The following KHDRBS2 variants were observed in gnomAD, a reference collection of about 807,000 sequenced individuals.
The protein encoded by KHDRBS2 is KH domain-containing, RNA-binding, signal transduction-associated protein 2.
Under a neutral mutation model 44.3 loss-of-function variants are expected in KHDRBS2, and 26 were observed. The observed-to-expected ratio is 0.59, with a 90% CI of 0.43 to 0.81. The LOEUF (loss-of-function observed/expected upper bound fraction) is 0.81, where lower values mean the gene tolerates loss of function less well. KHDRBS2 is among the 40% of genes least tolerant of loss of function. The pLI, the probability that KHDRBS2 is intolerant of heterozygous loss-of-function variation, is 0.00. For missense variants in KHDRBS2, 476 were observed against 433.1 expected (o/e 1.10, Z -0.88); for synonymous variants, 194 against 151.1 (o/e 1.28, Z -2.08).
At chr6:61,954,632 ATACACATACATACTTATG>A (rs1451183663) in intron 4 of KHDRBS2, among the ~76,000 whole-genome samples, 1 of 127,518 alleles carries the variant, frequency 7.8e-6, no homozygotes, top group African/African-American at 3.1e-5. Context: ...ATATGTATAT[ATACACATACATACTTATG>A]TATACATACA....
At chr6:61,839,940 T>C (rs1414545719) in intron 6 of KHDRBS2, among the ~76,000 whole-genome samples, 1 of 152,134 alleles carries the variant, frequency 6.6e-6, no homozygotes, top group Non-Finnish European at 1.5e-5. Context: ...AGAATGAATA[T>C]TTATGTTAGA....
At chr6:62,106,770 A>T (rs1803465902) in intron 2 of KHDRBS2, among the ~76,000 whole-genome samples, 1 of 152,214 alleles carries the variant, frequency 6.6e-6, no homozygotes, top group South Asian at 2.1e-4. Flanking sequence ...CATCCCTGGG[A>T]TGCAAGGCTG....
At chr6:62,181,422 G>T (rs1022300609) in intron 1 of KHDRBS2, among the ~76,000 whole-genome samples, 1 of 151,830 alleles carries the variant, frequency 6.6e-6, no homozygotes. Flanking sequence ...ATATGCAAAT[G>T]GACAATGGCA....
chr6:61,846,487 T>A (rs76924807), intron 6 of KHDRBS2, among the ~76,000 whole-genome samples: 10,185 of 152,184 alleles, frequency 0.067, 406 homozygotes, highest in Middle Eastern at 0.13. Flanking sequence ...ATGTTGAGAA[T>A]AAGCTCAGAA....
chr6:61,862,247 CT>C (rs1797092582), intron 6 of KHDRBS2, among the ~76,000 whole-genome samples: 1 of 151,686 alleles, frequency 6.6e-6, no homozygotes, highest in Non-Finnish European at 1.5e-5. Context: ...TTCCTCTAAT[CT>C]TATTGTCATC....
intron 2 of KHDRBS2, among the ~76,000 whole-genome samples, chr6:62,136,452 T>A (rs1039570796): frequency 8.5e-5 from 13 of 152,354 alleles, no homozygotes; most frequent in African/African-American, 3.1e-4. Flanking sequence ...GCGTTATAGC[T>A]AAAGTTTCAG....
the KHDRBS2 span, among the ~76,000 whole-genome samples, chr6:61,620,976 T>G: frequency 1.3e-5 from 2 of 152,238 alleles, no homozygotes; most frequent in African/African-American, 2.4e-5. Flanking sequence ...CCCTAATATG[T>G]ATCTCCAATA....
At chr6:61,710,965 A>T (rs1770417979) in intron 7 of KHDRBS2, among the ~76,000 whole-genome samples, 1 of 148,986 alleles carries the variant, frequency 6.7e-6, no homozygotes, top group South Asian at 2.2e-4. Context: ...CTGGAGTTTC[A>T]TTTACAGTGT....
intron 7 of KHDRBS2, among the ~76,000 whole-genome samples, chr6:61,707,086 A>C (rs1769714049): frequency 6.6e-6 from 1 of 151,708 alleles, no homozygotes; most frequent in Non-Finnish European, 1.5e-5. Context: ...ACACTGAAAA[A>C]AGACCTGAAG....
At chr6:62,014,128 C>A (rs148375921) in intron 3 of KHDRBS2, among the ~76,000 whole-genome samples, 16 of 152,204 alleles carry the variant, frequency 1.1e-4, no homozygotes, top group African/African-American at 3.9e-4. Flanking sequence ...GGTGTATGTA[C>A]TAATTGCAAA....
At chr6:61,923,548 C>T (rs1808439794) in intron 4 of KHDRBS2, among the ~76,000 whole-genome samples, 1 of 151,952 alleles carries the variant, frequency 6.6e-6, no homozygotes, top group East Asian at 1.9e-4. Context: ...TGTAATTTAT[C>T]ATAATGACAA....
intron 1 of KHDRBS2, among the ~76,000 whole-genome samples, chr6:62,230,619 G>C (rs1832748421): frequency 6.6e-6 from 1 of 152,050 alleles, no homozygotes; most frequent in African/African-American, 2.4e-5. Context: ...GCACTTAGAA[G>C]CAAATTTCTA....
intron 1 of KHDRBS2, among the ~76,000 whole-genome samples, chr6:62,208,764 A>C (rs1828491350): frequency 1.3e-5 from 2 of 152,156 alleles, no homozygotes; most frequent in African/African-American, 4.8e-5. Flanking sequence ...TCATTTTTAT[A>C]ATAGCCATCC....
Position 62,204,171 on chromosome 6 carries a change from C to T in KHDRBS2, c.92-26859G>A, listed in dbSNP as rs1827545891. On this transcript the variant is annotated intron_variant, in intron 1 of 8. Coordinates refer to ENST00000281156, the MANE Select transcript of KHDRBS2 (RefSeq NM_152688.4). ...TCTCTTTTGTTTACAAATATCATGC[C>T]TCAGGCATTCCTTTGTAGCAACACA... is the stretch of plus-strand genomic sequence containing the variant. Among the ~76,000 whole-genome samples the T allele has an allele frequency of 1.3e-5, 2 of 152,148 alleles. 1 individual carries two copies. Among genetic ancestry groups the T allele is most frequent in the Admixed American group, 1.3e-4 (2 of 15,266 alleles).
chr6:61,861,045 C>T (rs938355149), intron 6 of KHDRBS2, among the ~76,000 whole-genome samples: 7 of 151,986 alleles, frequency 4.6e-5, no homozygotes, highest in Non-Finnish European at 4.4e-5. Context: ...AGGTCCTTTG[C>T]CTACTTTTTA....
chr6:61,954,254 T>G (rs1251905005), intron 4 of KHDRBS2, among the ~76,000 whole-genome samples: 1 of 151,880 alleles, frequency 6.6e-6, no homozygotes, highest in Non-Finnish European at 1.5e-5. Context: ...TGTGTGTCTC[T>G]GTGTGTATGC....
At chr6:61,844,520 A>G (rs1469615393) in intron 6 of KHDRBS2, among the ~76,000 whole-genome samples, 2 of 152,078 alleles carry the variant, frequency 1.3e-5, no homozygotes, top group African/African-American at 2.4e-5. Context: ...GCCTGGAATG[A>G]CCTCACTTCT....
In KHDRBS2 at chr6:61,712,167, G is replaced by A. The variant is rs539910455; in HGVS notation, c.894-14914C>T. Among the ~76,000 whole-genome samples the A allele has an allele frequency of 1.4e-3, 207 of 151,882 alleles. 1 individual carries two copies. Among genetic ancestry groups the A allele is most frequent in the Middle Eastern group, 0.01 (3 of 294 alleles). On this transcript the variant is annotated intron_variant, in intron 7 of 8. Coordinates refer to ENST00000281156, the MANE Select transcript of KHDRBS2 (RefSeq NM_152688.4). Reference sequence around the variant, plus strand: ...CCTAAGACCTAGGTTACCTAGAGGTGACTTTACTGTATCAGTTGAGGCAAT... The same window carrying A: ...CCTAAGACCTAGGTTACCTAGAGGTAACTTTACTGTATCAGTTGAGGCAAT...
intron 7 of KHDRBS2, among the ~76,000 whole-genome samples, chr6:61,697,887 C>T (rs1337202369): frequency 2.0e-5 from 3 of 152,140 alleles, no homozygotes; most frequent in African/African-American, 7.2e-5. Flanking sequence ...ATCCACTTCC[C>T]CCTTTAAGGC....
Sources: allele counts gnomAD v4.1 joint callset (sites outside exome capture counted in the v4.1 genomes callset), GRCh38; gene constraint gnomAD v4.1.1; transcripts MANE v1.5; gene names NCBI Gene and HGNC (gene_info 2026-07-23, HGNC 2026-07-21).